Variants in KCNH1 observed in about 807,000 individuals in gnomAD.
KCNH1 encodes the protein potassium voltage-gated channel subfamily H member 1.
In KCNH1, 27 loss-of-function variants were observed where a neutral mutation model predicts 69.2. The ratio of observed to expected loss-of-function variants is 0.39; its 90% CI spans 0.29 to 0.54. The LOEUF is 0.54. Ranked by LOEUF, KCNH1 falls within the 20% of genes least tolerant of loss-of-function variation. The pLI is 0.68. For missense variants in KCNH1, 798 were observed against 1,261.6 expected (o/e 0.63, Z 5.57); for synonymous variants, 456 against 487.7 (o/e 0.93, Z 0.86).
At chr1:210,687,360 C>T (rs562851550) in intron 10 of KCNH1, among the ~76,000 whole-genome samples, 6 of 152,276 alleles carry the variant, frequency 3.9e-5, no homozygotes, top group African/African-American at 1.2e-4. Context: ...ACTGAGTGGT[C>T]GACGTGGGCA....
chr1:211,027,865 G>A (rs1264376824), intron 5 of KCNH1, among the ~76,000 whole-genome samples: 3 of 151,922 alleles, frequency 2.0e-5, no homozygotes, highest in Non-Finnish European at 2.9e-5. Flanking sequence ...CAGACCCACA[G>A]TACACCTCTC....
intron 10 of KCNH1, among the ~76,000 whole-genome samples, chr1:210,757,405 T>C (rs75934343): frequency 0.027 from 4,099 of 152,226 alleles, 113 homozygotes; most frequent in East Asian, 0.14. Flanking sequence ...AGCTCAAGAG[T>C]TACTTCCTCA....
intron 6 of KCNH1, among the ~76,000 whole-genome samples, chr1:210,958,073 G>T (rs1230264404): frequency 6.6e-6 from 1 of 152,084 alleles, no homozygotes; most frequent in African/African-American, 2.4e-5. Flanking sequence ...TCCATGTTTA[G>T]TGCTTCCTTC....
At chr1:210,707,067 G>A (rs142686678) in intron 10 of KCNH1, among the ~76,000 whole-genome samples, 1 of 150,654 alleles carries the variant, frequency 6.6e-6, no homozygotes, top group Non-Finnish European at 1.5e-5. Context: ...GTGTGTGTGT[G>A]CGCGCGCACG....
chr1:210,730,807 T>C (rs12562536), intron 10 of KCNH1, among the ~76,000 whole-genome samples: 5,730 of 152,306 alleles, frequency 0.038, 179 homozygotes, highest in East Asian at 0.15. Flanking sequence ...ATTACACTTA[T>C]ACAATTTGGA....
At chr1:210,780,775 C>T (rs1015257370) in intron 9 of KCNH1, among the ~76,000 whole-genome samples, 12 of 152,080 alleles carry the variant, frequency 7.9e-5, no homozygotes, top group African/African-American at 1.7e-4. Context: ...TGGCCGGGCG[C>T]GGTGGCTCAC....
chr1:210,916,017 A>C (rs1687326315), intron 7 of KCNH1, among the ~76,000 whole-genome samples: 1 of 152,128 alleles, frequency 6.6e-6, no homozygotes, highest in Non-Finnish European at 1.5e-5. Flanking sequence ...TGACTACCAG[A>C]GTGACCTGGT....
At chr1:210,751,069 C>T (rs888838742) in intron 10 of KCNH1, among the ~76,000 whole-genome samples, 1 of 152,118 alleles carries the variant, frequency 6.6e-6, no homozygotes, top group South Asian at 2.1e-4. Context: ...GTTTCCTAGG[C>T]AGAGCTTTCT....
intron 7 of KCNH1, among the ~76,000 whole-genome samples, chr1:210,811,681 G>T (rs932371393): frequency 5.7e-4 from 87 of 152,068 alleles, no homozygotes; most frequent in Admixed American, 3.3e-4. Context: ...TACTGGCTTT[G>T]GCCCGATGTG....
At chr1:210,976,202 A>G (rs1026956073) in intron 6 of KCNH1, among the ~76,000 whole-genome samples, 7 of 152,050 alleles carry the variant, frequency 4.6e-5, no homozygotes, top group Admixed American at 2.0e-4. Context: ...TGATTCCTCA[A>G]GGATCTAGAA....
intron 10 of KCNH1, among the ~76,000 whole-genome samples, chr1:210,774,343 C>T (rs1358966797): frequency 6.6e-6 from 1 of 152,018 alleles, no homozygotes; most frequent in Non-Finnish European, 1.5e-5. Context: ...CCTGAGAATT[C>T]TGTGGGGGCC....
At chr1:210,685,017 C>T (rs926069544) in intron 10 of KCNH1, among the ~76,000 whole-genome samples, 2 of 152,114 alleles carry the variant, frequency 1.3e-5, no homozygotes, top group African/African-American at 2.4e-5. Context: ...ACCCCAGATC[C>T]GTTAGGTGGC....
At chr1:210,817,892 G>A (rs1312537178) in intron 7 of KCNH1, among the ~76,000 whole-genome samples, 1 of 152,146 alleles carries the variant, frequency 6.6e-6, no homozygotes, top group Non-Finnish European at 1.5e-5. Context: ...CTTGGTGTGG[G>A]ACACTGTGTT....
intron 10 of KCNH1, among the ~76,000 whole-genome samples, chr1:210,698,465 G>GGT (rs1430698774): frequency 6.6e-6 from 1 of 152,016 alleles, no homozygotes; most frequent in South Asian, 2.1e-4. Flanking sequence ...AAGAAGAGAA[G>GGT]GTAAAAGAGA....
intron 6 of KCNH1, among the ~76,000 whole-genome samples, chr1:210,964,362 T>C (rs1184446930): frequency 1.3e-5 from 2 of 152,056 alleles, no homozygotes; most frequent in African/African-American, 2.4e-5. Flanking sequence ...ATTGACACTA[T>C]GAAGAAACTG....
chr1:210,904,865 G>A (rs576159677), intron 7 of KCNH1, among the ~76,000 whole-genome samples: 1 of 152,296 alleles, frequency 6.6e-6, no homozygotes, highest in Non-Finnish European at 1.5e-5. Context: ...TTACAGATGA[G>A]GAAACTGAAG....
At chr1:210,815,754 A>G (rs964263641) in intron 7 of KCNH1, among the ~76,000 whole-genome samples, 2 of 152,102 alleles carry the variant, frequency 1.3e-5, no homozygotes, top group South Asian at 2.1e-4. Flanking sequence ...TCCCCCTACC[A>G]GGAGACTGAC....
intron 6 of KCNH1, among the ~76,000 whole-genome samples, chr1:210,971,616 A>G (rs1172784998): frequency 6.6e-6 from 1 of 152,168 alleles, no homozygotes; most frequent in Non-Finnish European, 1.5e-5. Flanking sequence ...GCTACCGTGC[A>G]TCTCTTCCTA....
intron 7 of KCNH1, among the ~76,000 whole-genome samples, chr1:210,915,058 C>T (rs4951487): frequency 0.56 from 85,448 of 151,952 alleles, 24,816 homozygotes; most frequent in African/African-American, 0.69. Flanking sequence ...CATCAAATTA[C>T]CCCCAGAGAG....
Sources: allele counts gnomAD v4.1 joint callset (sites outside exome capture counted in the v4.1 genomes callset), GRCh38; gene constraint gnomAD v4.1.1; transcripts MANE v1.5; gene names NCBI Gene and HGNC (gene_info 2026-07-23, HGNC 2026-07-21).